The following MNAT1 variants were observed in gnomAD, a reference collection of about 807,000 sequenced individuals.
MNAT1 encodes MNAT1 component of CDK activating kinase.
Under a neutral mutation model 42.0 loss-of-function variants are expected in MNAT1, and 43 were observed. The ratio of observed to expected loss-of-function variants is 1.02; its 90% CI spans 0.80 to 1.32. The LOEUF is 1.32. MNAT1 is among the 40% of genes most tolerant of loss of function. The pLI, the probability that MNAT1 is intolerant of heterozygous loss-of-function variation, is 0.00. For missense variants in MNAT1, 306 were observed against 350.4 expected, an observed-to-expected ratio of 0.87 and a Z score of 1.01; for synonymous variants, 118 against 120.0, an observed-to-expected ratio of 0.98 and a Z score of 0.11.
chr14:60,923,667 C>CA (rs535905982), intron 7 of MNAT1, among the ~76,000 whole-genome samples: 1 of 151,986 alleles, frequency 6.6e-6, no homozygotes, highest in East Asian at 1.9e-4. Context: ...ATTTCATTAG[C>CA]AAAAAATCCC....
intron 1 of MNAT1, among the ~76,000 whole-genome samples, chr14:60,746,744 T>G (rs963032967): frequency 2.7e-5 from 4 of 150,344 alleles, no homozygotes; most frequent in Admixed American, 6.6e-5. Flanking sequence ...GTCTTTAAGA[T>G]GCAGTGTGCT....
intron 1 of MNAT1, among the ~76,000 whole-genome samples, chr14:60,766,081 T>C (rs2030802723): frequency 1.3e-5 from 2 of 152,182 alleles, no homozygotes; most frequent in African/African-American, 4.8e-5. Flanking sequence ...CTGGGTGCAG[T>C]GGCTTACACC....
intron 6 of MNAT1, among the ~76,000 whole-genome samples, chr14:60,876,974 T>A (rs890718826): frequency 1.2e-4 from 18 of 152,040 alleles, no homozygotes; most frequent in Non-Finnish European, 2.5e-4. Context: ...TTGGATCATG[T>A]GGTAATTCTG....
At chr14:60,863,965 G>T (rs566711156) in intron 6 of MNAT1, among the ~76,000 whole-genome samples, 1 of 151,994 alleles carries the variant, frequency 6.6e-6, no homozygotes. Context: ...ATATTTCAAA[G>T]GATATGCAGT....
chr14:60,781,786 AAGAT>A (rs2031469150), intron 1 of MNAT1, among the ~76,000 whole-genome samples: 1 of 152,060 alleles, frequency 6.6e-6, no homozygotes, highest in African/African-American at 2.4e-5. Flanking sequence ...TATAGGGTGA[AAGAT>A]AGGGATCTAG....
intron 7 of MNAT1, among the ~76,000 whole-genome samples, chr14:60,892,930 A>G (rs913374428): frequency 6.6e-6 from 1 of 152,122 alleles, no homozygotes; most frequent in Admixed American, 6.5e-5. Context: ...TGTGTGTCCA[A>G]GATTATTAAT....
intron 7 of MNAT1, among the ~76,000 whole-genome samples, chr14:60,890,602 C>T (rs997452641): frequency 2.0e-5 from 3 of 152,186 alleles, no homozygotes; most frequent in Non-Finnish European, 2.9e-5. Flanking sequence ...GAGCAGCCTT[C>T]AGTCTGTGGC....
chr14:60,736,808 T>C (rs1407020104), intron 1 of MNAT1, among the ~76,000 whole-genome samples: 1 of 152,186 alleles, frequency 6.6e-6, no homozygotes, highest in Non-Finnish European at 1.5e-5. Flanking sequence ...TTAAATAATA[T>C]ATGGAAAATA....
intron 6 of MNAT1, among the ~76,000 whole-genome samples, chr14:60,854,613 G>C (rs76402889): frequency 1.3e-5 from 2 of 152,138 alleles, no homozygotes; most frequent in African/African-American, 2.4e-5. Flanking sequence ...CTGTTCACTT[G>C]GGTATCACCA....
chr14:60,816,329 A>ATC (rs1555376656), intron 5 of MNAT1, among the ~76,000 whole-genome samples: 1 of 152,058 alleles, frequency 6.6e-6, no homozygotes, highest in Non-Finnish European at 1.5e-5. Flanking sequence ...AATTTTAAAA[A>ATC]AGTTTGGAAA....
intron 1 of MNAT1, among the ~76,000 whole-genome samples, chr14:60,756,452 AC>A (rs1356547190): frequency 4.6e-5 from 7 of 152,176 alleles, no homozygotes; most frequent in Non-Finnish European, 8.8e-5. Context: ...TTTTCCCATT[AC>A]TAAGGAGGCT....
chr14:60,940,512 G>T (rs537660086), intron 7 of MNAT1, among the ~76,000 whole-genome samples: 1 of 152,294 alleles, frequency 6.6e-6, no homozygotes, highest in South Asian at 2.1e-4. Flanking sequence ...CTGCCTCCCA[G>T]GTTCATGCCA....
At chr14:60,906,678 G>T (rs1010223792) in intron 7 of MNAT1, among the ~76,000 whole-genome samples, 1 of 152,044 alleles carries the variant, frequency 6.6e-6, no homozygotes, top group African/African-American at 2.4e-5. Flanking sequence ...GCAATAAGGG[G>T]TTGTGTTGTT....
At chr14:60,841,973 A>C (rs373326166) in intron 6 of MNAT1, among the ~76,000 whole-genome samples, 1 of 152,100 alleles carries the variant, frequency 6.6e-6, no homozygotes, top group East Asian at 1.9e-4. Context: ...TTCCAGGTTC[A>C]TTTCTTGGTG....
At chr14:60,757,954 A>G (rs934055008) in intron 1 of MNAT1, among the ~76,000 whole-genome samples, 2 of 152,202 alleles carry the variant, frequency 1.3e-5, no homozygotes, top group Admixed American at 1.3e-4. Context: ...AAATGTTACA[A>G]TACACTACAA....
At chr14:60,924,968 G>T (rs1167730331) in intron 7 of MNAT1, among the ~76,000 whole-genome samples, 4 of 152,190 alleles carry the variant, frequency 2.6e-5, no homozygotes, top group African/African-American at 9.7e-5. Flanking sequence ...ATTTTTCCCA[G>T]TAAGTAAATA....
At chr14:60,761,190 A>C (rs548849497) in intron 1 of MNAT1, among the ~76,000 whole-genome samples, 103 of 152,188 alleles carry the variant, frequency 6.8e-4, no homozygotes, top group Non-Finnish European at 1.3e-3. Context: ...TTTTTTGCCC[A>C]CAGACTGAGT....
chr14:60,923,866 G>T (rs2035712251), intron 7 of MNAT1, among the ~76,000 whole-genome samples: 1 of 152,066 alleles, frequency 6.6e-6, no homozygotes, highest in Admixed American at 6.5e-5. Context: ...TGTAATCCCA[G>T]CTACTCTGCA....
At chr14:60,741,280 AT>A (rs1403322440) in intron 1 of MNAT1, among the ~76,000 whole-genome samples, 2 of 152,184 alleles carry the variant, frequency 1.3e-5, no homozygotes, top group African/African-American at 4.8e-5. Flanking sequence ...GGCTCAAATG[AT>A]CCTCCTGCCT....
Sources: allele counts gnomAD v4.1 joint callset (sites outside exome capture counted in the v4.1 genomes callset), GRCh38; gene constraint gnomAD v4.1.1; transcripts MANE v1.5; gene names NCBI Gene and HGNC (gene_info 2026-07-23, HGNC 2026-07-21).